The following MPPED1 variants were observed in gnomAD, a reference collection of about 807,000 sequenced individuals.
MPPED1 encodes metallophosphoesterase domain containing 1, also known as metallophosphoesterase domain-containing protein 1.
In MPPED1, 16 loss-of-function variants were observed where a neutral mutation model predicts 36.2. The observed-to-expected ratio is 0.44, with a 90% CI of 0.30 to 0.67. The LOEUF is 0.67. Among genes scored for constraint, MPPED1 ranks in the 30% least tolerant of loss-of-function variants. MPPED1 has a pLI of 0.10. For synonymous variants in MPPED1, 199 were observed against 191.3 expected (o/e 1.04, Z -0.33); for missense variants, 307 against 453.4 (o/e 0.68, Z 2.93).
In MPPED1 at chr22:43,507,583, C is replaced by A. The variant is rs2146933626; in HGVS notation, c.*1967C>A. On this transcript the variant is annotated 3_prime_UTR_variant, in exon 7 of 7. Transcript: ENST00000443721. ...GAAAAGCAGGCCCTTTCAGTGCCAG[C>A]TCCACTCAATTTCTATGTGGACCAA... is the stretch of plus-strand genomic sequence containing the variant. 1 of 152,296 alleles carries A rather than the reference C, an allele frequency of 6.6e-6. No individual in the cohort carries two copies. Among genetic ancestry groups the A allele is most frequent in the African/African-American group, 2.4e-5 (1 of 41,566 alleles). 9.4% of individuals were successfully genotyped at this position (152,296 alleles called of 1,614,324 possible).
At chr22:43,424,068 A>T (rs1929370107) in intron 1 of MPPED1, among the ~76,000 whole-genome samples, 1 of 152,078 alleles carries the variant, frequency 6.6e-6, no homozygotes. Flanking sequence ...GGTTGGAGGG[A>T]TATTTAAGTC....
chr22:43,499,650 G>T lies in MPPED1; in HGVS notation c.748+1300G>T, dbSNP rs1409592315. Among the ~76,000 whole-genome samples, 2 of 125,950 alleles carry T rather than the reference G, an allele frequency of 1.6e-5. 1 individual carries two copies. The highest frequency in any genetic ancestry group is 3.3e-5 in the Non-Finnish European group (2 of 60,708). 82.6% of individuals were successfully genotyped at this position (125,950 alleles called of 152,430 possible). A position where few individuals can be genotyped will look rare whatever the true frequency, so the allele number is the denominator to read the frequency against. Reference sequence around the variant, plus strand: ...GATGATGGTGGAGGTGGTGGTGGTGGTGATGGGGGTGGCGGTGATGGGGGT... The same window carrying T: ...GATGATGGTGGAGGTGGTGGTGGTGTTGATGGGGGTGGCGGTGATGGGGGT... On this transcript the variant is annotated intron_variant, in intron 5 of 6. Transcript: ENST00000443721.
chr22:43,435,693 C>T (rs1465741022), intron 3 of MPPED1, among the ~76,000 whole-genome samples: 1 of 152,110 alleles, frequency 6.6e-6, no homozygotes, highest in Non-Finnish European at 1.5e-5. Flanking sequence ...CTTGTCTCTA[C>T]TAAAAATACA....
chr22:43,437,397 A>G (rs1001139796), intron 3 of MPPED1, among the ~76,000 whole-genome samples: 1 of 152,252 alleles, frequency 6.6e-6, no homozygotes, highest in East Asian at 1.9e-4. Flanking sequence ...TATCATTCCC[A>G]TTTTACAGAG....
intron 6 of MPPED1, among the ~76,000 whole-genome samples, chr22:43,503,116 A>G (rs1932763369): frequency 6.6e-6 from 1 of 152,186 alleles, no homozygotes. Flanking sequence ...TGGGCACACC[A>G]TGAATCCCTT....
At chr22:43,414,943 C>T (rs749580304) in intron 1 of MPPED1, among the ~76,000 whole-genome samples, 18 of 152,118 alleles carry the variant, frequency 1.2e-4, no homozygotes, top group South Asian at 2.1e-4. Flanking sequence ...ATGGCACCTC[C>T]GATAAGAGGT....
chr22:43,500,266 TGATGGA>T (rs1445607036), intron 5 of MPPED1, among the ~76,000 whole-genome samples: 3,535 of 130,100 alleles, frequency 0.027, 644 homozygotes, highest in African/African-American at 0.038. Context: ...GTGGTGATGG[TGATGGA>T]GGTGGCGGTG....
chr22:43,485,473 C>T (rs140438279), intron 4 of MPPED1, among the ~76,000 whole-genome samples: 1 of 152,000 alleles, frequency 6.6e-6, no homozygotes, highest in Non-Finnish European at 1.5e-5. Flanking sequence ...CATACACACT[C>T]ACACAGTCAC....
chr22:43,432,222 C>G (rs904057978), intron 2 of MPPED1, among the ~76,000 whole-genome samples: 1 of 70,292 alleles, frequency 1.4e-5, no homozygotes, highest in African/African-American at 4.9e-5. Context: ...GAGAGAGAGA[C>G]ACAGAGAGAA....
chr22:43,438,258 G>T (rs765732406), intron 3 of MPPED1, among the ~76,000 whole-genome samples: 1 of 152,204 alleles, frequency 6.6e-6, no homozygotes, highest in Non-Finnish European at 1.5e-5. Flanking sequence ...GGCACGGAAG[G>T]CCTCCCTGAG....
intron 1 of MPPED1, among the ~76,000 whole-genome samples, chr22:43,413,394 A>T (rs372859397): frequency 6.9e-4 from 96 of 138,442 alleles, no homozygotes; most frequent in Middle Eastern, 3.5e-3. Context: ...AAAAAAAAAA[A>T]ATTAAACCAA....
intron 4 of MPPED1, among the ~76,000 whole-genome samples, chr22:43,483,919 G>A (rs1021175276): frequency 2.6e-5 from 4 of 152,232 alleles, no homozygotes; most frequent in Non-Finnish European, 4.4e-5. Flanking sequence ...CCTGCTGCCC[G>A]TGGCCAGTGG....
intron 2 of MPPED1, among the ~76,000 whole-genome samples, chr22:43,429,108 C>T (rs752703036): frequency 1.7e-4 from 26 of 152,322 alleles, no homozygotes; most frequent in Admixed American, 1.1e-3. Flanking sequence ...TGGAAGGCCA[C>T]AGCTGCGTGC....
intron 1 of MPPED1, among the ~76,000 whole-genome samples, chr22:43,423,823 A>G (rs1929360830): frequency 6.6e-6 from 1 of 152,258 alleles, no homozygotes; most frequent in African/African-American, 2.4e-5. Flanking sequence ...ATACAGCGCA[A>G]AAGGAATCGT....
chr22:43,416,683 G>A (rs1929085508), intron 1 of MPPED1: 1 of 152,154 alleles, frequency 6.6e-6, no homozygotes, highest in Non-Finnish European at 1.5e-5. Context: ...CCATAGATAC[G>A]TGACTCTCCA....
intron 2 of MPPED1, among the ~76,000 whole-genome samples, chr22:43,427,495 G>A (rs1477595786): frequency 6.6e-6 from 1 of 152,242 alleles, no homozygotes; most frequent in East Asian, 1.9e-4. Context: ...GGGGTTGGGG[G>A]CGTGCAGGAG....
chr22:43,472,688 A>G (rs1312203957), intron 3 of MPPED1, among the ~76,000 whole-genome samples: 1 of 152,150 alleles, frequency 6.6e-6, no homozygotes, highest in Non-Finnish European at 1.5e-5. Context: ...GCCTGTTCTG[A>G]AGAAAACTTC....
chr22:43,438,333 C>T (rs1930035332), intron 3 of MPPED1, among the ~76,000 whole-genome samples: 1 of 152,130 alleles, frequency 6.6e-6, no homozygotes. Flanking sequence ...TGGGCAGGAC[C>T]CGTTCCAGGC....
intron 4 of MPPED1, among the ~76,000 whole-genome samples, chr22:43,480,975 C>T (rs564874896): frequency 2.7e-4 from 41 of 152,144 alleles, no homozygotes; most frequent in African/African-American, 9.9e-4. Context: ...AGGTAGCTGC[C>T]ATCATGCCCA....
Sources: allele counts gnomAD v4.1 joint callset (sites outside exome capture counted in the v4.1 genomes callset), GRCh38; gene constraint gnomAD v4.1.1; transcripts MANE v1.5; gene names NCBI Gene and HGNC (gene_info 2026-07-23, HGNC 2026-07-21).